NKAIN2: variants seen among roughly 807,000 people sequenced by gnomAD.
NKAIN2 encodes sodium/potassium-transporting ATPase subunit beta-1-interacting protein 2.
NKAIN2 carries 14 observed loss-of-function variants against 32.6 expected under a neutral mutation model. That is an observed-to-expected ratio of 0.43 (90% CI 0.28 to 0.67). NKAIN2 has a LOEUF of 0.67. NKAIN2 is among the 30% of genes least tolerant of loss of function. The probability of loss-of-function intolerance (pLI) is 0.17; values close to 1 mark genes in which losing one functional copy is unlikely to be tolerated. For synonymous variants in NKAIN2, 80 were observed against 87.2 expected, an observed-to-expected ratio of 0.92 and a Z score of 0.46; for missense variants, 198 against 258.3, an observed-to-expected ratio of 0.77 and a Z score of 1.60.
chr6:124,349,033 G>A (rs144490844), intron 2 of NKAIN2, among the ~76,000 whole-genome samples: 8 of 152,130 alleles, frequency 5.3e-5, no homozygotes, highest in Admixed American at 5.2e-4. Context: ...TTAGTACAAT[G>A]TTCCTTAGGA....
At chr6:124,005,830 G>A (rs1178557655) in intron 1 of NKAIN2, among the ~76,000 whole-genome samples, 1 of 152,098 alleles carries the variant, frequency 6.6e-6, no homozygotes, top group African/African-American at 2.4e-5. Context: ...TAAGCCATCT[G>A]AACCACTTGG....
intron 1 of NKAIN2, among the ~76,000 whole-genome samples, chr6:123,805,259 G>T (rs974614707): frequency 2.0e-5 from 3 of 152,218 alleles, no homozygotes; most frequent in African/African-American, 7.2e-5. Context: ...GTTTCATAAA[G>T]GTTGAAGTGA....
At chr6:124,729,616 G>A (rs376752771) in intron 4 of NKAIN2, among the ~76,000 whole-genome samples, 1 of 151,602 alleles carries the variant, frequency 6.6e-6, no homozygotes, top group Admixed American at 6.6e-5. Context: ...TGAATGGGCA[G>A]AAACTGGAAG....
intron 1 of NKAIN2, among the ~76,000 whole-genome samples, chr6:123,962,318 G>T (rs548754433): frequency 6.6e-6 from 1 of 152,262 alleles, no homozygotes; most frequent in African/African-American, 2.4e-5. Flanking sequence ...GTCTGAAGAA[G>T]ATTCTCAAAT....
At chr6:123,884,083 G>A (rs1350750436) in intron 1 of NKAIN2, among the ~76,000 whole-genome samples, 1 of 151,804 alleles carries the variant, frequency 6.6e-6, no homozygotes, top group African/African-American at 2.4e-5. Context: ...TACCCATTAG[G>A]TGTTTTTCCT....
intron 1 of NKAIN2, among the ~76,000 whole-genome samples, chr6:124,026,043 C>G (rs1445418335): frequency 6.6e-6 from 1 of 152,106 alleles, no homozygotes; most frequent in African/African-American, 2.4e-5. Context: ...ACAAACAGGC[C>G]TTGCTGAAGT....
At chr6:123,867,242 C>T (rs1471641139) in intron 1 of NKAIN2, among the ~76,000 whole-genome samples, 1 of 152,184 alleles carries the variant, frequency 6.6e-6, no homozygotes, top group African/African-American at 2.4e-5. Context: ...ATTTCTGTAA[C>T]ATATGTAATG....
intron 3 of NKAIN2, among the ~76,000 whole-genome samples, chr6:124,465,820 A>G (rs114691653): frequency 0.013 from 2,007 of 152,134 alleles, 39 homozygotes; most frequent in African/African-American, 0.045. Flanking sequence ...ATAATAATAT[A>G]TTGCATCAAT....
rs760610140 is a variant in NKAIN2 at position 124,805,547 on chromosome 6, CAG to C, written c.536-12837_536-12836del. Reference sequence around the variant, plus strand: ...TAAAACCACAAAGATGGGGAAAAAACAGAGCAGAAAAACTGGAAACTCTAAAA... The same window carrying C: ...TAAAACCACAAAGATGGGGAAAAAACAGCAGAAAAACTGGAAACTCTAAAA... On this transcript the variant is annotated intron_variant, in intron 5 of 6. Coordinates refer to ENST00000368417, the MANE Select transcript of NKAIN2 (RefSeq NM_001040214.3). Among the ~76,000 whole-genome samples, 255 of 152,272 alleles carry C rather than the reference CAG, an allele frequency of 1.7e-3. 1 individual carries two copies. Among genetic ancestry groups the C allele is most frequent in the Non-Finnish European group, 3.1e-3 (213 of 68,016 alleles).
chr6:123,806,308 CCATT>C (rs1773211089), intron 1 of NKAIN2, among the ~76,000 whole-genome samples: 1 of 151,900 alleles, frequency 6.6e-6, no homozygotes, highest in Non-Finnish European at 1.5e-5. Context: ...GTGATTTTTC[CCATT>C]CAGACTTTAT....
chr6:124,059,299 C>T (rs1427409489), intron 1 of NKAIN2, among the ~76,000 whole-genome samples: 4 of 152,084 alleles, frequency 2.6e-5, no homozygotes, highest in Admixed American at 6.6e-5. Context: ...CCTTCTCGGA[C>T]AGCTTTCTCC....
At chr6:124,735,946 T>G (rs1583761180) in intron 4 of NKAIN2, among the ~76,000 whole-genome samples, 1 of 151,884 alleles carries the variant, frequency 6.6e-6, no homozygotes, top group East Asian at 1.9e-4. Context: ...AAGTGAAAGG[T>G]AGAGCCAAAT....
Position 124,368,074 on chromosome 6 carries a change from C to G in NKAIN2, c.273+12727C>G, listed in dbSNP as rs1019713069. Among the ~76,000 whole-genome samples, 15 of 152,024 alleles carry G rather than the reference C, an allele frequency of 9.9e-5. 1 individual carries two copies. Among genetic ancestry groups the G allele is most frequent in the Admixed American group, 9.2e-4 (14 of 15,262 alleles). On this transcript the variant is annotated intron_variant, in intron 3 of 6. Transcript: ENST00000368417. ...TATGCTGCTTTTGTGTGGTAAAATT[C>G]TTTTAGAAATGTCCCCATCCTTTCT...
At chr6:124,217,280 A>G (rs181936716) in intron 1 of NKAIN2, among the ~76,000 whole-genome samples, 131 of 152,278 alleles carry the variant, frequency 8.6e-4, no homozygotes, top group Non-Finnish European at 1.3e-3. Flanking sequence ...GTGATATTAC[A>G]TGTGGTTATA....
chr6:124,679,559 C>T lies in NKAIN2; in HGVS notation c.474+21173C>T, dbSNP rs1232561965. Among the ~76,000 whole-genome samples, 7 of 152,060 alleles carry T rather than the reference C, an allele frequency of 4.6e-5. No homozygotes were observed. The East Asian group carries it at 1.4e-3, about 29-fold the overall frequency. On this transcript the variant is annotated intron_variant, in intron 4 of 6. Coordinates refer to ENST00000368417, the MANE Select transcript of NKAIN2 (RefSeq NM_001040214.3). ...TTTGATGCAGCTAGTTTTGCAATCA[C>T]CTGGGGTTTAGCAGTCTCTTAACTG...
chr6:124,679,284 T>G (rs1404083955), intron 4 of NKAIN2, among the ~76,000 whole-genome samples: 1 of 152,176 alleles, frequency 6.6e-6, no homozygotes, highest in East Asian at 1.9e-4. Context: ...CATAAGGGTG[T>G]GCTAGTCCTA....
At chr6:123,829,786 A>G (rs990878744) in intron 1 of NKAIN2, among the ~76,000 whole-genome samples, 2 of 152,182 alleles carry the variant, frequency 1.3e-5, no homozygotes, top group African/African-American at 2.4e-5. Flanking sequence ...GACACATTCA[A>G]CGTAACGAAA....
chr6:124,794,226 A>G (rs576639712), intron 5 of NKAIN2, among the ~76,000 whole-genome samples: 2 of 152,282 alleles, frequency 1.3e-5, no homozygotes, highest in South Asian at 4.1e-4. Context: ...GGTTAATGCA[A>G]GTCTCCCAAA....
chr6:124,111,937 A>C (rs1785404515), intron 1 of NKAIN2, among the ~76,000 whole-genome samples: 1 of 152,066 alleles, frequency 6.6e-6, no homozygotes, highest in African/African-American at 2.4e-5. Flanking sequence ...GCATACAAAA[A>C]CTTACAATTT....
Sources: gnomAD v4.1 joint callset for allele counts (sites outside exome capture counted in the v4.1 genomes callset) on GRCh38, gnomAD v4.1.1 for gene constraint, MANE v1.5 for transcripts, NCBI Gene and HGNC (gene_info 2026-07-23, HGNC 2026-07-21) for gene names.